Variants in CARD10 observed in about 807,000 individuals in gnomAD.
CARD10 encodes caspase recruitment domain family member 10.
Under a neutral mutation model 114.6 loss-of-function variants are expected in CARD10, and 49 were observed. The observed-to-expected ratio is 0.43, with a 90% CI of 0.34 to 0.54. The LOEUF (loss-of-function observed/expected upper bound fraction) is 0.54. CARD10 is among the 20% of genes least tolerant of loss of function. The pLI is 0.03. For synonymous variants in CARD10, 602 were observed against 593.2 expected, an observed-to-expected ratio of 1.01 and a Z score of -0.21; for missense variants, 1,206 against 1,397.2, an observed-to-expected ratio of 0.86 and a Z score of 2.18.
intron 3 of CARD10, 92 bp downstream of exon 3, chr22:37,515,881 C>T: frequency 9.8e-7 from 1 of 1,019,220 alleles, no homozygotes; most frequent in East Asian, 2.6e-5. Context: ...AAAGAGCCAG[C>T]AATGGTGGCT....
intron 11 of CARD10, 121 bp from the exon 12 acceptor site, chr22:37,497,299 C>T (rs1198245716): frequency 3.1e-6 from 3 of 978,612 alleles, no homozygotes; most frequent in East Asian, 2.6e-5. Flanking sequence ...ACCCCCAGGC[C>T]TCTCCATCTT....
chr22:37,515,341 T>C (rs983761596), intron 3 of CARD10, among the ~76,000 whole-genome samples: 8 of 152,072 alleles, frequency 5.3e-5, no homozygotes, highest in African/African-American at 1.9e-4. Context: ...GGCGGGCAGA[T>C]CACCTGAGGT....
rs1035909376 is a variant in CARD10 at position 37,491,375 on chromosome 22, C to T, written c.2883G>A (p.Pro961=). The T allele has an allele frequency of 8.7e-6, 13 of 1,502,556 alleles. No individual in the cohort carries two copies. The highest frequency in any genetic ancestry group is 1.4e-5 in the African/African-American group (1 of 72,044). The allele number at this position is 1,502,556 out of a possible 1,614,324, so 93.1% of individuals were successfully genotyped here. Residue 961 remains proline, a synonymous_variant, in exon 20 of 20, where the codon CCG becomes CCA. Transcript: ENST00000251973. The stretch of plus-strand genomic sequence containing the variant: ...GCAGCAGCTCTGAGTCCCGCCAGCC[C>T]GGCCGGCCCAGCAGACCCCTGCCGA... ...VREVRGLLGR[P]GWRDSELLRQ...
intron 15 of CARD10, among the ~76,000 whole-genome samples, chr22:37,495,108 A>G (rs551439567): frequency 3.9e-5 from 6 of 151,944 alleles, no homozygotes; most frequent in South Asian, 4.2e-4. Flanking sequence ...GACTACAGGC[A>G]CCCGCCACCA....
chr22:37,511,645 G>T (rs1035325289), intron 3 of CARD10, among the ~76,000 whole-genome samples: 2 of 151,960 alleles, frequency 1.3e-5, no homozygotes, highest in South Asian at 2.1e-4. Context: ...ATCTGTACGG[G>T]GGGGGTGTGA....
Position 37,496,532 on chromosome 22 carries a change from C to T in CARD10, c.1976G>A (p.Gly659Glu). Residue 659 changes from glycine to glutamate, a missense_variant, in exon 13 of 20, where the codon GGG becomes GAG. Around this residue, in one of 2 missense-constraint regions of CARD10, gnomAD observed 1,068 missense variants for 1,179.1 expected, o/e 0.91. Transcript: ENST00000251973. This position sits in a 1 kb window ranked among gnomAD's most constrained non-coding sequence, Gnocchi z 4.1. ...EQRVEAAGLE[G>E]ACLEAEAQQR... ...CTGGGCCTCGGCTTCCAGGCACGCC[C>T]CCTCCAGACCAGCAGCTTCCACCCT... The T allele has an allele frequency of 6.2e-7, 1 of 1,613,748 alleles. No individual in the cohort carries two copies. Among genetic ancestry groups the T allele is most frequent in the Non-Finnish European group, 8.5e-7 (1 of 1,179,900 alleles).
intron 16 of CARD10, among the ~76,000 whole-genome samples, chr22:37,493,313 G>A (rs1181937667): frequency 6.6e-6 from 1 of 152,150 alleles, no homozygotes; most frequent in African/African-American, 2.4e-5. Flanking sequence ...CAGAGCCTAG[G>A]TCACACCTTC....
intron 11 of CARD10, 151 bp downstream of exon 11, chr22:37,502,451 G>A (rs769922301): frequency 1.5e-5 from 13 of 846,342 alleles, no homozygotes; most frequent in Non-Finnish European, 2.3e-5. Flanking sequence ...AGCGGCAGCA[G>A]GATTGGAATC....
chr22:37,501,515 C>T lies in CARD10; in HGVS notation c.1787+1087G>A, dbSNP rs746432271. Among the ~76,000 whole-genome samples the T allele has an allele frequency of 6.6e-6, 1 of 152,238 alleles. No individual in the cohort carries two copies. The highest frequency in any genetic ancestry group is 2.1e-4 in the South Asian group (1 of 4,832). ...TGGACACTGGCTGACCAAGCCGCTCCGGAGGCCAGAGGCCCTGGTCCTATG... is the reference window on the plus strand; with the variant it reads ...TGGACACTGGCTGACCAAGCCGCTCTGGAGGCCAGAGGCCCTGGTCCTATG... On this transcript the variant is annotated intron_variant, in intron 11 of 19. Coordinates refer to ENST00000251973, the MANE Select transcript of CARD10 (RefSeq NM_014550.4). The surrounding 1 kb of genome is among the most constrained non-coding windows in gnomAD (Gnocchi z 5.4).
intron 3 of CARD10, chr22:37,514,516 C>T (rs1923768892): frequency 6.6e-6 from 1 of 152,422 alleles, no homozygotes; most frequent in African/African-American, 2.4e-5. Flanking sequence ...CTCAAACCAG[C>T]CACCTACATC....
intron 18 of CARD10, 128 bp from the exon 19 acceptor site, chr22:37,491,995 C>A: frequency 1.5e-6 from 1 of 670,934 alleles, no homozygotes; most frequent in South Asian, 1.7e-5. Context: ...CCCAGAGGGA[C>A]CCTGGCAACG....
Position 37,496,437 on chromosome 22 carries a change from A to G in CARD10, c.2059+12T>C. On this transcript the variant is annotated intron_variant, in intron 13 of 19. Transcript: ENST00000251973. The surrounding 1 kb of genome is among the most constrained non-coding windows in gnomAD (Gnocchi z 4.1). ...CTGGGGCCAACAGCTCCGACTCCCAAGCCAGACTTACCCTTCGAGTCCATC... is the reference window on the plus strand; with the variant it reads ...CTGGGGCCAACAGCTCCGACTCCCAGGCCAGACTTACCCTTCGAGTCCATC... 2 of 1,598,052 alleles carry G rather than the reference A, an allele frequency of 1.3e-6. No homozygotes were observed. Among genetic ancestry groups the G allele is most frequent in the Non-Finnish European group, 1.7e-6 (2 of 1,166,566 alleles).
chr22:37,495,511 G>A lies in CARD10; in HGVS notation c.2373+6C>T. 5.0e-6 allele frequency: 8 copies of A among 1,608,526 alleles called. No homozygotes were observed. The highest frequency in any genetic ancestry group is 6.8e-6 in the Non-Finnish European group (8 of 1,178,088). ...CCCCACCCACTACCTGCCCAGCCGT[G>A]CTCACATTACTGCGGGGGCCTCGGT... On this transcript the variant is annotated splice_donor_region_variant and intron_variant, in intron 15 of 19. Transcript: ENST00000251973.
In CARD10 at chr22:37,512,484, C is replaced by T. The variant is rs867499378; in HGVS notation, c.700-2063G>A. ...CCCCCTCCACACACACACACACACA[C>T]ACACACACACACACACACACACACA... is the stretch of plus-strand genomic sequence containing the variant. On this transcript the variant is annotated intron_variant, in intron 3 of 19. Coordinates refer to ENST00000251973, the MANE Select transcript of CARD10 (RefSeq NM_014550.4). 8.5e-3 allele frequency among the ~76,000 whole-genome samples: 1,240 copies of T among 146,278 alleles called. 43 individuals are homozygous for T. Among genetic ancestry groups the T allele is most frequent in the African/African-American group, 0.026 (1,028 of 39,128 alleles).
chr22:37,511,081 CAAA>C (rs869295765), intron 3 of CARD10, among the ~76,000 whole-genome samples: 14,661 of 91,656 alleles, frequency 0.16, 819 homozygotes, highest in South Asian at 0.29. Context: ...GACTCTGTCT[CAAA>C]AAAAAAAAAA....
chr22:37,492,679 G>GTTA lies in CARD10; in HGVS notation c.2599_2600insTAA (p.Pro867delinsLeuThr). ...CACTTGGAAGTCCAGCCGGGAGCTGGGCAGGTCTAGCAGGTTACGGATGAG... is the reference window on the plus strand; with the variant it reads ...CACTTGGAAGTCCAGCCGGGAGCTGGTTAGCAGGTCTAGCAGGTTACGGATGAG... On this transcript the variant is annotated protein_altering_variant, in exon 17 of 20. Transcript: ENST00000251973. The surrounding 1 kb of genome is among the most constrained non-coding windows in gnomAD (Gnocchi z 5.7). The GTTA allele has an allele frequency of 6.2e-7, 1 of 1,613,134 alleles. No individual in the cohort carries two copies. Among genetic ancestry groups the GTTA allele is most frequent in the East Asian group, 2.2e-5 (1 of 44,872 alleles).
At chr22:37,497,359 C>G (rs1282806805) in intron 11 of CARD10, 181 bp from the exon 12 acceptor site, 1 of 649,582 alleles carries the variant, frequency 1.5e-6, no homozygotes, top group Non-Finnish European at 2.6e-6. Context: ...GATCATCCTT[C>G]AAATCTCAAG....
At chr22:37,508,832 T>C (rs1202565740) in intron 4 of CARD10, 150 bp from the exon 5 acceptor site, 9 of 1,206,124 alleles carry the variant, frequency 7.5e-6, no homozygotes, top group Non-Finnish European at 1.0e-5. Context: ...TCTGGATCTC[T>C]GTCTCCCCAT....
chr22:37,503,286 G>T, intron 9 of CARD10, 73 bp from the exon 10 acceptor site: 3 of 1,417,322 alleles, frequency 2.1e-6, no homozygotes, highest in Non-Finnish European at 2.9e-6. Flanking sequence ...CCCTCCTCCT[G>T]CCCCCACACC....
Sources: allele counts gnomAD v4.1 joint callset (sites outside exome capture counted in the v4.1 genomes callset), GRCh38; gene constraint gnomAD v4.1.1; regional missense constraint gnomAD v4.1.1; non-coding constraint Gnocchi (gnomAD v3.1); transcripts MANE v1.5; gene names NCBI Gene and HGNC (gene_info 2026-07-23, HGNC 2026-07-21).